The following TTC6 variants were observed in gnomAD, a reference collection of about 807,000 sequenced individuals.
TTC6 encodes the protein tetratricopeptide repeat domain 6, also known as tetratricopeptide repeat protein 6.
TTC6 carries 172 observed loss-of-function variants against 210.4 expected under a neutral mutation model. The observed-to-expected ratio is 0.82, with a 90% confidence interval of 0.72 to 0.93. TTC6 has a LOEUF of 0.93. Ranked by LOEUF, TTC6 falls within the 40% of genes least tolerant of loss-of-function variation. TTC6 has a pLI of 0.00. For missense variants in TTC6, 2,414 were observed against 2,318.1 expected, an observed-to-expected ratio of 1.04 and a Z score of -0.85; for synonymous variants, 804 against 819.6, an observed-to-expected ratio of 0.98 and a Z score of 0.32.
chr14:37,806,679 G>A (rs931945428), intron 22 of TTC6, among the ~76,000 whole-genome samples, 169 bp downstream of exon 24: 1 of 152,036 alleles, frequency 6.6e-6, no homozygotes, highest in Non-Finnish European at 1.5e-5. Flanking sequence ...TAAACTAAAA[G>A]TATTATTTCC....
chr14:37,812,523 A>G (rs2096131917), intron 25 of TTC6, 90 bp downstream of exon 27: 1 of 1,258,432 alleles, frequency 7.9e-7, no homozygotes. Context: ...AACTGGCAAT[A>G]TTAATGAGTG....
At chr14:37,688,340 A>C (rs1024317415) in intron 3 of TTC6, among the ~76,000 whole-genome samples, 2 of 152,086 alleles carry the variant, frequency 1.3e-5, no homozygotes, top group Admixed American at 1.3e-4. Context: ...CCTGGATGGC[A>C]CCTCTGGTTG....
rs35530680 is a variant in TTC6, at chr14:37,598,772, G to C, written c.-235+2764G>C. On this transcript the variant is annotated intron_variant, in intron 1 of 2. Transcript: ENST00000556845. The surrounding 1 kb of genome is among the most constrained non-coding windows in gnomAD (Gnocchi z 4.9). ...GCAGGGCCTGGGCCGGCGGGGCTCTGCGGTGCCCATTCGAGTCTCTCCAGG... is the reference window on the plus strand; with the variant it reads ...GCAGGGCCTGGGCCGGCGGGGCTCTCCGGTGCCCATTCGAGTCTCTCCAGG... Among the ~76,000 whole-genome samples, 1,594 of 152,286 alleles carry C rather than the reference G, an allele frequency of 0.01. 39 individuals carry two copies. Among genetic ancestry groups the C allele is most frequent in the African/African-American group, 0.036 (1,516 of 41,576 alleles).
chr14:37,757,726 G>C (rs1566934489), intron 14 of TTC6, among the ~76,000 whole-genome samples: 1 of 151,898 alleles, frequency 6.6e-6, no homozygotes, highest in South Asian at 2.1e-4. Context: ...TCTTCTGCTA[G>C]CTTTTGAATT....
Position 37,796,388 on chromosome 14 carries a change from T to A in TTC6, c.3868+18T>A. On this transcript the variant is annotated intron_variant, in intron 19 of 30. Transcript: ENST00000553443. ...GGACAAAGGTAAGTATAATTAATTA[T>A]AACTTTTAAGAAATACTTCTTTAAA... 3.8e-6 allele frequency: 4 copies of A among 1,041,886 alleles called. No individual in the cohort carries two copies. The highest frequency in any genetic ancestry group is 5.6e-6 in the Non-Finnish European group (4 of 714,398). The allele number at this position is 1,041,886 out of a possible 1,614,324, so 64.5% of individuals were successfully genotyped here. A position where few individuals can be genotyped will look rare whatever the true frequency, so the allele number is the denominator to read the frequency against.
At chr14:37,633,794 T>G (rs946439121) in intron 1 of TTC6, among the ~76,000 whole-genome samples, 4 of 152,162 alleles carry the variant, frequency 2.6e-5, no homozygotes, top group Admixed American at 6.5e-5. Context: ...ACACTCCTAT[T>G]CTTTCCAACT....
chr14:37,750,814 C>G (rs1040031617), intron 12 of TTC6, among the ~76,000 whole-genome samples: 4 of 152,070 alleles, frequency 2.6e-5, no homozygotes, highest in Non-Finnish European at 5.9e-5. Flanking sequence ...TGCTTGAGCC[C>G]TGGAGGTCGA....
At chr14:37,708,867 C>A (rs1311975333) in intron 5 of TTC6, among the ~76,000 whole-genome samples, 1 of 151,994 alleles carries the variant, frequency 6.6e-6, no homozygotes, top group Non-Finnish European at 1.5e-5. Context: ...TTGTGGGAGA[C>A]TTCTCTGTTG....
chr14:37,602,488 G>A (rs1054983348), intron 1 of TTC6, among the ~76,000 whole-genome samples: 2 of 152,104 alleles, frequency 1.3e-5, no homozygotes, highest in African/African-American at 4.8e-5. Flanking sequence ...GCAGGAGTTG[G>A]GGGAGACGTT....
chr14:37,636,990 G>A (rs927307342), intron 1 of TTC6, among the ~76,000 whole-genome samples: 15 of 152,158 alleles, frequency 9.9e-5, no homozygotes, highest in African/African-American at 3.6e-4. Flanking sequence ...CAGAAGTGGA[G>A]CCACACAGAT....
chr14:37,816,980 C>T (rs1381220625), intron 25 of TTC6, among the ~76,000 whole-genome samples: 3 of 152,208 alleles, frequency 2.0e-5, no homozygotes, highest in South Asian at 4.1e-4. Context: ...TCCCAGCTGA[C>T]TTCCCTAACT....
intron 1 of TTC6, among the ~76,000 whole-genome samples, chr14:37,649,830 C>A (rs1386766132): frequency 6.6e-6 from 1 of 152,168 alleles, no homozygotes; most frequent in African/African-American, 2.4e-5. Context: ...GAAGCAGAGA[C>A]CAAACTGTAG....
intron 1 of TTC6, among the ~76,000 whole-genome samples, chr14:37,665,523 C>G (rs986415103): frequency 1.3e-5 from 2 of 150,062 alleles, no homozygotes; most frequent in African/African-American, 4.8e-5. Context: ...GGGAGAGCAC[C>G]AGGAAGAACA....
chr14:37,671,822 T>C (rs2095758783), intron 1 of TTC6, among the ~76,000 whole-genome samples: 2 of 152,154 alleles, frequency 1.3e-5, no homozygotes, highest in African/African-American at 4.8e-5. Flanking sequence ...GGTTCCTCAT[T>C]CTGTTCATGA....
intron 29 of TTC6, among the ~76,000 whole-genome samples, chr14:37,833,393 T>C (rs1399415280): frequency 6.6e-6 from 1 of 152,220 alleles, no homozygotes; most frequent in African/African-American, 2.4e-5. Context: ...TTATGTTTTT[T>C]GACTTGAAGT....
intron 1 of TTC6, among the ~76,000 whole-genome samples, chr14:37,634,650 A>T (rs926839786): frequency 6.6e-6 from 1 of 152,224 alleles, no homozygotes; most frequent in Non-Finnish European, 1.5e-5. Flanking sequence ...GTGAACTCCA[A>T]ACCAAAGAAA....
At chr14:37,785,671 A>G (rs533285268) in intron 14 of TTC6, among the ~76,000 whole-genome samples, 71 of 152,280 alleles carry the variant, frequency 4.7e-4, no homozygotes, top group Non-Finnish European at 7.6e-4. Context: ...GCTGGCGAGG[A>G]GCTGCGTTCC....
intron 25 of TTC6, among the ~76,000 whole-genome samples, chr14:37,815,650 G>A (rs2096139749): frequency 6.6e-6 from 1 of 152,142 alleles, no homozygotes; most frequent in African/African-American, 2.4e-5. Context: ...GAGCTGATGG[G>A]AGAAGGGGAG....
At chr14:37,653,627 C>T (rs1328861550) in intron 1 of TTC6, among the ~76,000 whole-genome samples, 3 of 152,106 alleles carry the variant, frequency 2.0e-5, no homozygotes, top group Non-Finnish European at 4.4e-5. Flanking sequence ...TCTAGGGAGG[C>T]TGTTTTCAGT....
Sources: allele counts gnomAD v4.1 joint callset (sites outside exome capture counted in the v4.1 genomes callset), GRCh38; gene constraint gnomAD v4.1.1; non-coding constraint Gnocchi (gnomAD v3.1); transcripts MANE v1.5; gene names NCBI Gene and HGNC (gene_info 2026-07-23, HGNC 2026-07-21).